Variants in DCLRE1C observed in about 807,000 individuals in gnomAD.
The protein encoded by DCLRE1C is DNA cross-link repair 1C.
DCLRE1C carries 47 observed loss-of-function variants against 61.4 expected under a neutral mutation model. The ratio of observed to expected loss-of-function variants is 0.77; its 90% CI spans 0.61 to 0.98. The LOEUF (loss-of-function observed/expected upper bound fraction) is 0.98, where lower values mean the gene tolerates loss of function less well. Ranked by LOEUF, DCLRE1C falls within the 50% of genes least tolerant of loss-of-function variation. DCLRE1C has a pLI of 0.00. For missense variants in DCLRE1C, 858 were observed against 816.0 expected (o/e 1.05, Z -0.63); for synonymous variants, 337 against 287.6 (o/e 1.17, Z -1.74).
chr10:14,906,590 T>C lies in DCLRE1C; in HGVS notation c.*1818A>G, dbSNP rs1416217795. On this transcript the variant is annotated 3_prime_UTR_variant, in exon 14 of 14. Transcript: ENST00000378278. ...TGTGTATAGTTATGTGTATACTAAC[T>C]CTGAGTCTTGTTACCCTGGTTAGTC... is the stretch of plus-strand genomic sequence containing the variant. Among the ~76,000 whole-genome samples the C allele has an allele frequency of 6.6e-6, 1 of 152,260 alleles. No homozygotes were observed. The highest frequency in any genetic ancestry group is 1.5e-5 in the Non-Finnish European group (1 of 68,050).
intron 2 of DCLRE1C, among the ~76,000 whole-genome samples, chr10:14,946,308 C>A (rs1375602910): frequency 2.0e-5 from 3 of 151,936 alleles, no homozygotes; most frequent in Non-Finnish European, 4.4e-5. Flanking sequence ...GCGCCCAGAC[C>A]ATAATAAACT....
chr10:14,929,693 A>G (rs531122058), intron 9 of DCLRE1C, among the ~76,000 whole-genome samples: 1 of 152,198 alleles, frequency 6.6e-6, no homozygotes, highest in Non-Finnish European at 1.5e-5. Flanking sequence ...TTGGAGGGAA[A>G]AAAACTAACA....
rs150932121 is a variant in DCLRE1C, at chr10:14,905,427, C to T, written c.*2981G>A. On this transcript the variant is annotated 3_prime_UTR_variant, in exon 14 of 14. Transcript: ENST00000378278. ...AATTCAGAGCTCATATTCATTGACC[C>T]AGTCTTTTATGCCTTTTATATGTAT... is the stretch of plus-strand genomic sequence containing the variant. Among the ~76,000 whole-genome samples the T allele has an allele frequency of 2.0e-5, 3 of 152,200 alleles. No individual in the cohort carries two copies. Among genetic ancestry groups the T allele is most frequent in the Admixed American group, 1.3e-4 (2 of 15,278 alleles).
chr10:14,936,761 T>G (rs1466783143), intron 4 of DCLRE1C, among the ~76,000 whole-genome samples, 168 bp from the exon 5 acceptor site: 2 of 152,124 alleles, frequency 1.3e-5, no homozygotes, highest in African/African-American at 4.8e-5. Context: ...CCTTGTCCAC[T>G]CAACAAACAG....
In DCLRE1C at chr10:14,905,157, A is replaced by C. The variant is rs1834288188; in HGVS notation, c.*3251T>G. On this transcript the variant is annotated 3_prime_UTR_variant, in exon 14 of 14. Coordinates refer to ENST00000378278, the MANE Select transcript of DCLRE1C (RefSeq NM_001033855.3). ...CTAGCAAGATTAACCGAAGGTTTATATTCAATTCCTTTAAATGTTACTTTC... is the reference window on the plus strand; with the variant it reads ...CTAGCAAGATTAACCGAAGGTTTATCTTCAATTCCTTTAAATGTTACTTTC... Among the ~76,000 whole-genome samples the C allele has an allele frequency of 6.6e-6, 1 of 152,278 alleles. No individual in the cohort carries two copies. Among genetic ancestry groups the C allele is most frequent in the Non-Finnish European group, 1.5e-5 (1 of 68,056 alleles).
At chr10:14,953,835 G>GGCCCCCTCCTGTCCTCTCTCCA in intron 1 of DCLRE1C, 67 bp downstream of exon 1, 1 of 1,600,580 alleles carries the variant, frequency 6.2e-7, no homozygotes, top group Non-Finnish European at 8.5e-7. Context: ...CTCCAGGGCC[G>GGCCCCCTCCTGTCCTCTCTCCA]GCCCCCTCCT....
At chr10:14,925,499 A>T (rs1837825392) in intron 11 of DCLRE1C, among the ~76,000 whole-genome samples, 1 of 152,198 alleles carries the variant, frequency 6.6e-6, no homozygotes, top group Non-Finnish European at 1.5e-5. Flanking sequence ...GCTGCTAGGG[A>T]AAATACAGGG....
At chr10:14,941,315 C>G (rs112890148) in intron 3 of DCLRE1C, among the ~76,000 whole-genome samples, 6 of 152,190 alleles carry the variant, frequency 3.9e-5, no homozygotes, top group Non-Finnish European at 7.3e-5. Context: ...GACAGGCTCT[C>G]GCTGTGTTAG....
At chr10:14,948,152 T>C (rs904152142) in intron 2 of DCLRE1C, among the ~76,000 whole-genome samples, 10 of 150,822 alleles carry the variant, frequency 6.6e-5, no homozygotes, top group African/African-American at 2.2e-4. Flanking sequence ...AGATGGGAGA[T>C]CACTTGAAGC....
chr10:14,954,343 G>A, upstream of DCLRE1C: 4 of 426,144 alleles, frequency 9.4e-6, no homozygotes, highest in South Asian at 4.5e-5. Flanking sequence ...GCAGTCGCGG[G>A]AAGGGAAATC....
downstream of DCLRE1C, among the ~76,000 whole-genome samples, chr10:14,901,545 C>T (rs55801071): frequency 0.4 from 59,549 of 147,360 alleles, 13,237 homozygotes; most frequent in African/African-American, 0.62. Flanking sequence ...TACTACTTGT[C>T]TTTTTTTTTT....
rs1292938808 is a variant in DCLRE1C, at chr10:14,920,622, C to G, written c.1062-790G>C. Among the ~76,000 whole-genome samples the G allele has an allele frequency of 4.6e-5, 7 of 152,280 alleles. No homozygotes were observed. The East Asian group carries it at 1.4e-3, about 29-fold the overall frequency. ...TCTTTACATCATTTCAGCTATTCTC[C>G]TGGGTTAACTTTTCAAAGTAAGGTT... On this transcript the variant is annotated intron_variant, in intron 12 of 13. Transcript: ENST00000378278.
rs1473432471 is a variant in DCLRE1C at position 14,909,192 on chromosome 10, G to T, written c.1295C>A (p.Thr432Asn). The change falls in exon 14 of 14, where the codon ACC becomes AAC. Residue 432 changes from threonine to asparagine, a missense_variant. By Grantham distance (65) the Thr-to-Asn change is moderately conservative. Around this residue, in one of 2 missense-constraint regions of DCLRE1C, gnomAD observed 843 missense variants for 783.5 expected, o/e 1.08. Transcript: ENST00000378278. ...ACACTCTGCTCTGCAGCATCCTGGG[G>T]TTTGTCTCAGTTTTTCAGGCTGCTT... ...SEKQPEKLRQ[T>N]PGCCRAECMQ... 3.1e-6 allele frequency: 5 copies of T among 1,613,978 alleles called. No individual in the cohort carries two copies. The highest frequency in any genetic ancestry group is 3.3e-5 in the Admixed American group (2 of 59,990).
rs945259102 is a variant in DCLRE1C, at chr10:14,919,655, G to A, written c.1156+83C>T. ...GGGTCCCAGGTCCACTCTGCCCAAG[G>A]CCACTTCTCCCAGACCCAAGCTCCC... On this transcript the variant is annotated intron_variant, in intron 13 of 13. Transcript: ENST00000378278. 7 of 1,067,078 alleles carry A rather than the reference G, an allele frequency of 6.6e-6. No individual in the cohort carries two copies. In the African/African-American group the frequency reaches 9.3e-5, roughly 14 times the overall value. 66.1% of individuals were successfully genotyped at this position (1,067,078 alleles called of 1,614,324 possible).
At chr10:14,934,884 A>G (rs897702132) in intron 6 of DCLRE1C, 109 bp from the exon 7 acceptor site, 17 of 786,796 alleles carry the variant, frequency 2.2e-5, no homozygotes, top group Non-Finnish European at 3.5e-5. Flanking sequence ...CTGAAGTGCA[A>G]TGTCTGCTCA....
chr10:14,954,153 G>GGA, upstream of DCLRE1C: 1 of 1,404,216 alleles, frequency 7.1e-7, no homozygotes, highest in Non-Finnish European at 9.7e-7. Flanking sequence ...AGAGGAGTCC[G>GGA]GAGACCGGGG....
intron 13 of DCLRE1C, among the ~76,000 whole-genome samples, chr10:14,918,435 A>AG (rs1306879649): frequency 1.3e-5 from 2 of 152,232 alleles, no homozygotes; most frequent in East Asian, 3.8e-4. Flanking sequence ...GACAGAAGGC[A>AG]GATCAGTGGA....
intron 1 of DCLRE1C, among the ~76,000 whole-genome samples, chr10:14,952,372 G>A (rs1842576050): frequency 2.0e-5 from 3 of 152,134 alleles, no homozygotes. Context: ...GGATCTACCT[G>A]AGGCCAGGAG....
At chr10:14,902,865 A>C (rs75420442), downstream of DCLRE1C, 7 of 157,014 alleles carry the variant, frequency 4.5e-5, no homozygotes, top group East Asian at 1.3e-3. Flanking sequence ...GAGAGATCAA[A>C]GATTCAACTT....
Sources: allele counts gnomAD v4.1 joint callset (sites outside exome capture counted in the v4.1 genomes callset), GRCh38; gene constraint gnomAD v4.1.1; regional missense constraint gnomAD v4.1.1; transcripts MANE v1.5; gene names NCBI Gene and HGNC (gene_info 2026-07-23, HGNC 2026-07-21).